CHEK2: variants seen among roughly 807,000 people sequenced by gnomAD.
CHEK2 encodes the protein serine/threonine-protein kinase Chk2.
A neutral mutation model predicts 69.1 loss-of-function variants in CHEK2; 71 were observed. The observed-to-expected ratio is 1.03, with a 90% CI of 0.85 to 1.25. The LOEUF (loss-of-function observed/expected upper bound fraction) is 1.25, where lower values mean the gene tolerates loss of function less well. CHEK2 is among the 50% of genes most tolerant of loss of function. The pLI is 0.00. For synonymous variants in CHEK2, 189 were observed against 226.9 expected (o/e 0.83, Z 1.50); for missense variants, 664 against 649.6 (o/e 1.02, Z -0.24).
rs202051128 is a variant in CHEK2, at chr22:28,696,964, T to C, written c.1032A>G (p.Ile344Met). ...CATTCTCTGGCTTTAAGTCACGGTG[T>C]ATAATACCGTTTTCATGAAGGTACT... ...AVQYLHENGI[I>M]HRDLKPENVL... Residue 344 changes from isoleucine to methionine, a missense_variant, in exon 10 of 15, where the codon ATA (isoleucine) becomes ATG (methionine). Physicochemically the swap from Ile to Met is conservative, Grantham distance 10. Transcript: ENST00000404276. 6.8e-6 allele frequency: 11 copies of C among 1,612,690 alleles called. No individual in the cohort carries two copies. The East Asian group carries it at 1.8e-4, about 26-fold the overall frequency.
intron 2 of CHEK2, among the ~76,000 whole-genome samples, chr22:28,725,848 G>A (rs2053986161): frequency 6.6e-6 from 1 of 151,376 alleles, no homozygotes; most frequent in Non-Finnish European, 1.5e-5. Flanking sequence ...GGTCGAGGCT[G>A]CAGTGAGCTG....
chr22:28,715,297 A>G (rs1270407844), intron 5 of CHEK2, among the ~76,000 whole-genome samples: 1 of 152,216 alleles, frequency 6.6e-6, no homozygotes, highest in African/African-American at 2.4e-5. Context: ...TCTTAGACGC[A>G]GTCAACCAGA....
intron 8 of CHEK2, among the ~76,000 whole-genome samples, chr22:28,701,712 T>G (rs769342321): frequency 4.6e-5 from 7 of 152,120 alleles, no homozygotes; most frequent in Non-Finnish European, 8.8e-5. Context: ...TTATCGCCAC[T>G]GAAATAAACT....
chr22:28,738,653 GA>G (rs1170930100), intron 1 of CHEK2, among the ~76,000 whole-genome samples: 3 of 152,166 alleles, frequency 2.0e-5, no homozygotes, highest in Non-Finnish European at 2.9e-5. Context: ...ACTGTAGACA[GA>G]AATCCAGTCC....
chr22:28,698,881 C>T (rs1278639862), intron 9 of CHEK2, among the ~76,000 whole-genome samples: 12 of 152,124 alleles, frequency 7.9e-5, no homozygotes, highest in Admixed American at 7.9e-4. Flanking sequence ...GCTCTGCCCT[C>T]AAACCTGCCC....
intron 4 of CHEK2, among the ~76,000 whole-genome samples, chr22:28,724,234 C>T (rs905139870): frequency 3.9e-5 from 6 of 152,022 alleles, no homozygotes; most frequent in Non-Finnish European, 7.4e-5. Flanking sequence ...AGTGAAACCC[C>T]GTCTCTACTA....
intron 2 of CHEK2, among the ~76,000 whole-genome samples, chr22:28,726,758 T>C (rs1443790652): frequency 2.1e-5 from 3 of 145,390 alleles, no homozygotes; most frequent in African/African-American, 2.6e-5. Flanking sequence ...AGGTTTTCCA[T>C]GACACTTAGC....
At chr22:28,695,047 T>C (rs1045775416) in intron 12 of CHEK2, 80 bp downstream of exon 12, 1 of 851,882 alleles carries the variant, frequency 1.2e-6, no homozygotes, top group South Asian at 1.4e-5. Context: ...GAAAACACCA[T>C]GGAATTTGGG....
intron 5 of CHEK2, among the ~76,000 whole-genome samples, chr22:28,716,646 A>G (rs1037869184): frequency 6.6e-6 from 1 of 152,254 alleles, no homozygotes; most frequent in African/African-American, 2.4e-5. Context: ...TTGCAGGAAT[A>G]TGGATGATTA....
At chr22:28,695,965 G>T in intron 10 of CHEK2, 92 bp from the exon 11 acceptor site, 2 of 986,706 alleles carry the variant, frequency 2.0e-6, no homozygotes, top group African/African-American at 1.6e-5. Flanking sequence ...ACGTAGGCTA[G>T]ATCAGTTTCT....
At chr22:28,703,703 T>C in intron 7 of CHEK2, 137 bp from the exon 8 acceptor site, 1 of 658,754 alleles carries the variant, frequency 1.5e-6, no homozygotes, top group Non-Finnish European at 2.7e-6. Context: ...GGCTTGGAAG[T>C]TCAATCAGGG....
chr22:28,710,799 C>T (rs1420473463), intron 6 of CHEK2, among the ~76,000 whole-genome samples: 3 of 152,124 alleles, frequency 2.0e-5, no homozygotes, highest in Non-Finnish European at 2.9e-5. Context: ...TCCTGTAAGC[C>T]GCTAAACTCA....
intron 2 of CHEK2, among the ~76,000 whole-genome samples, chr22:28,732,755 C>T (rs1326080219): frequency 6.6e-6 from 1 of 152,048 alleles, no homozygotes; most frequent in Non-Finnish European, 1.5e-5. Context: ...CATATTCTAT[C>T]CTGTTAATGC....
At chr22:28,710,822 G>C (rs2053365973) in intron 6 of CHEK2, among the ~76,000 whole-genome samples, 1 of 151,982 alleles carries the variant, frequency 6.6e-6, no homozygotes, top group Non-Finnish European at 1.5e-5. Flanking sequence ...ACCAAGTCAG[G>C]GTATACTCTG....
At chr22:28,726,336 T>C (rs1042002367) in intron 2 of CHEK2, 49 of 151,144 alleles carry the variant, frequency 3.2e-4, no homozygotes, top group African/African-American at 1.2e-3. Context: ...GCCACTGTAC[T>C]CCAACCTGGG....
chr22:28,705,920 G>C (rs1448399636), intron 7 of CHEK2, among the ~76,000 whole-genome samples: 1 of 150,630 alleles, frequency 6.6e-6, no homozygotes, highest in African/African-American at 2.5e-5. Flanking sequence ...TCTAGCCTGG[G>C]CAACAAGAGT....
rs560046142 is a variant in CHEK2, at chr22:28,725,300, C to T, written c.387G>A (p.Leu129=). The change falls in exon 3 of 15, where the codon CTG becomes CTA. Residue 129 remains leucine, a synonymous_variant. Coordinates refer to ENST00000404276, the MANE Select transcript of CHEK2 (RefSeq NM_007194.4). Reference sequence around the variant, plus strand: ...TTCGGTATTTATCTGTTCTTTTCAGCAGTGGTTCATCAAAGCAATATTCAC... The same window carrying T: ...TTCGGTATTTATCTGTTCTTTTCAGTAGTGGTTCATCAAAGCAATATTCAC... The part of the protein sequence containing the change: ...KSCEYCFDEP[L]LKRTDKYRTY... The T allele has an allele frequency of 1.2e-6, 2 of 1,614,088 alleles. No homozygotes were observed. The highest frequency in any genetic ancestry group is 2.2e-5 in the East Asian group (1 of 44,866).
At chr22:28,718,883 AACACACACACAC>A (rs144577000) in intron 5 of CHEK2, among the ~76,000 whole-genome samples, 21 of 140,542 alleles carry the variant, frequency 1.5e-4, no homozygotes, top group East Asian at 1.3e-3. Context: ...CTCTGACACT[AACACACACACAC>A]ACACACACAC....
intron 1 of CHEK2, among the ~76,000 whole-genome samples, chr22:28,740,789 T>A (rs1171577648): frequency 1.3e-5 from 2 of 152,232 alleles, no homozygotes; most frequent in Non-Finnish European, 2.9e-5. Flanking sequence ...GACCTTGCAC[T>A]GTTCACATAC....
Sources: gnomAD v4.1 joint callset for allele counts (sites outside exome capture counted in the v4.1 genomes callset) on GRCh38, gnomAD v4.1.1 for gene constraint, MANE v1.5 for transcripts, NCBI Gene and HGNC (gene_info 2026-07-23, HGNC 2026-07-21) for gene names.